The following NPEPPS variants were observed in gnomAD, a reference collection of about 807,000 sequenced individuals.
NPEPPS encodes puromycin-sensitive aminopeptidase.
A neutral mutation model predicts 115.5 loss-of-function variants in NPEPPS; 14 were observed. The observed-to-expected ratio is 0.12, with a 90% confidence interval of 0.08 to 0.19. The LOEUF (loss-of-function observed/expected upper bound fraction) is 0.19. Ranked by LOEUF, NPEPPS falls within the 10% of genes least tolerant of loss-of-function variation. The probability of loss-of-function intolerance (pLI) is 1.00; values close to 1 mark genes in which losing one functional copy is unlikely to be tolerated. For missense variants in NPEPPS, 523 were observed against 1,110.8 expected (o/e 0.47, Z 7.52); for synonymous variants, 285 against 390.6 (o/e 0.73, Z 3.19).
At chr17:47,603,012 A>G (rs1913314120) in intron 15 of NPEPPS, among the ~76,000 whole-genome samples, 1 of 152,188 alleles carries the variant, frequency 6.6e-6, no homozygotes, top group Admixed American at 6.5e-5. Flanking sequence ...GGTTTTAAAA[A>G]TATTTACATA....
In NPEPPS at chr17:47,587,308, A is replaced by G. The variant is rs1443092991; in HGVS notation, c.1059A>G (p.Glu353=). 1.2e-6 allele frequency: 2 copies of G among 1,605,752 alleles called. No individual in the cohort carries two copies. The highest frequency in any genetic ancestry group is 1.7e-6 in the Non-Finnish European group (2 of 1,177,482). The stretch of plus-strand genomic sequence containing the variant: ...GGGTTGCTCTGGTTGTGGGACATGA[A>G]CTCGCCCATCAATGGTTTGGAAATC... ...RQWVALVVGH[E]LAHQWFGNLV... The change falls in exon 9 of 23, where the codon GAA becomes GAG. Residue 353 remains glutamate (E), a synonymous_variant. Transcript: ENST00000322157.
chr17:47,549,957 T>C lies in NPEPPS; in HGVS notation c.340+3964T>C, dbSNP rs1266721882. 5.3e-5 allele frequency among the ~76,000 whole-genome samples: 8 copies of C among 149,752 alleles called. No homozygotes were observed. The Admixed American group carries it at 5.4e-4, about 10-fold the overall frequency. Reference sequence around the variant, plus strand: ...ATTTTTTTTTTTTTTCTTTTTGAGATGGAGTCTCGCTCTGTCACCCAGGCT... The same window carrying C: ...ATTTTTTTTTTTTTTCTTTTTGAGACGGAGTCTCGCTCTGTCACCCAGGCT... On this transcript the variant is annotated intron_variant, in intron 2 of 22. Coordinates refer to ENST00000322157, the MANE Select transcript of NPEPPS (RefSeq NM_006310.4).
chr17:47,603,929 A>T lies in NPEPPS; in HGVS notation c.1755A>T (p.Thr585=). The T allele has an allele frequency of 6.2e-7, 1 of 1,611,200 alleles. No homozygotes were observed. The highest frequency in any genetic ancestry group is 8.5e-7 in the Non-Finnish European group (1 of 1,178,438). Residue 585 remains threonine (T), a synonymous_variant, in exon 16 of 23, where the codon ACA becomes ACT. Transcript: ENST00000322157. ...TATCTTTGCAGTTAAACTTAGGAAC[A>T]GTTGGGTTTTATCGGACCCAGTACA... is the stretch of plus-strand genomic sequence containing the variant. ...PDQWVKLNLG[T]VGFYRTQYSS...
chr17:47,594,780 C>T (rs1369926935), intron 12 of NPEPPS, among the ~76,000 whole-genome samples: 1 of 151,148 alleles, frequency 6.6e-6, no homozygotes, highest in Non-Finnish European at 1.5e-5. Flanking sequence ...CTACAGGCGC[C>T]CGCCACCACG....
chr17:47,619,306 C>A, intron 21 of NPEPPS, 142 bp downstream of exon 21: 3 of 805,172 alleles, frequency 3.7e-6, no homozygotes, highest in Non-Finnish European at 6.1e-6. Flanking sequence ...GTAATACCAG[C>A]ACTTTGGGAC....
intron 1 of NPEPPS, among the ~76,000 whole-genome samples, chr17:47,535,102 G>T (rs1908108388): frequency 6.7e-6 from 1 of 149,218 alleles, no homozygotes; most frequent in Non-Finnish European, 1.5e-5. Flanking sequence ...AATTAGCTGG[G>T]CGTGGTGGCG....
intron 1 of NPEPPS, among the ~76,000 whole-genome samples, chr17:47,525,677 T>C (rs528991184): frequency 1.3e-5 from 2 of 152,192 alleles, no homozygotes; most frequent in East Asian, 1.9e-4. Flanking sequence ...TGTGATTTTA[T>C]AAAAGAAAGT....
intron 1 of NPEPPS, among the ~76,000 whole-genome samples, chr17:47,542,597 G>T (rs1908846517): frequency 6.7e-6 from 1 of 150,032 alleles, no homozygotes; most frequent in South Asian, 2.1e-4. Context: ...CACTAAACCT[G>T]CCAGTCACCA....
chr17:47,535,269 A>G (rs1297938678), intron 1 of NPEPPS, among the ~76,000 whole-genome samples: 1 of 83,720 alleles, frequency 1.2e-5, no homozygotes, highest in Non-Finnish European at 2.5e-5. Context: ...AAAAAAAAAA[A>G]GGCTGGGCGC....
intron 2 of NPEPPS, chr17:47,548,396 A>G (rs1909388704): frequency 6.6e-6 from 1 of 152,034 alleles, no homozygotes; most frequent in African/African-American, 2.4e-5. Flanking sequence ...AGCCAGGTAT[A>G]TCAAAGCAAC....
upstream of NPEPPS, among the ~76,000 whole-genome samples, chr17:47,528,384 G>T (rs1597799581): frequency 6.6e-6 from 1 of 151,932 alleles, no homozygotes; most frequent in African/African-American, 2.4e-5. Context: ...ATAAGAAAAG[G>T]CCCCATCTCA....
intron 2 of NPEPPS, among the ~76,000 whole-genome samples, chr17:47,560,523 C>T (rs1910360029): frequency 6.6e-6 from 1 of 152,188 alleles, no homozygotes; most frequent in Non-Finnish European, 1.5e-5. Context: ...TGAACTGTAA[C>T]TATGCATATA....
chr17:47,539,453 A>G (rs1164616705), intron 1 of NPEPPS, among the ~76,000 whole-genome samples: 3 of 152,174 alleles, frequency 2.0e-5, no homozygotes, highest in African/African-American at 7.2e-5. Flanking sequence ...TAGAAATACA[A>G]GAAAGTCACA....
chr17:47,565,686 G>C (rs1460948096), intron 2 of NPEPPS, among the ~76,000 whole-genome samples: 1 of 151,860 alleles, frequency 6.6e-6, no homozygotes, highest in Non-Finnish European at 1.5e-5. Flanking sequence ...CGGGTGTGGT[G>C]GTGGGCGCCT....
chr17:47,524,589 G>A (rs1480100333), intron 1 of NPEPPS, among the ~76,000 whole-genome samples: 1 of 151,876 alleles, frequency 6.6e-6, no homozygotes, highest in Middle Eastern at 3.4e-3. Flanking sequence ...CTGCCTCCCG[G>A]GTTCACACCA....
chr17:47,527,948 CAA>C (rs1045563784), upstream of NPEPPS, among the ~76,000 whole-genome samples: 3 of 121,556 alleles, frequency 2.5e-5, no homozygotes, highest in Admixed American at 8.3e-5. Context: ...AACTCCATCT[CAA>C]AAAAAAAAAA....
intron 1 of NPEPPS, among the ~76,000 whole-genome samples, chr17:47,545,195 C>G (rs564389192): frequency 6.6e-6 from 1 of 152,168 alleles, no homozygotes; most frequent in Non-Finnish European, 1.5e-5. Flanking sequence ...TTTTGTCTCA[C>G]TGTGTTGCCC....
rs1431444050 is a variant in NPEPPS, at chr17:47,568,367, C to T, written c.341-1050C>T. On this transcript the variant is annotated intron_variant, in intron 2 of 22. Coordinates refer to ENST00000322157, the MANE Select transcript of NPEPPS (RefSeq NM_006310.4). Reference sequence around the variant, plus strand: ...TGTATTTTTAGTAAAAATGGGGTTTCGCCATGTTGGCCAGGCTGTTCTCGA... The same window carrying T: ...TGTATTTTTAGTAAAAATGGGGTTTTGCCATGTTGGCCAGGCTGTTCTCGA... Among the ~76,000 whole-genome samples the T allele has an allele frequency of 1.4e-4, 22 of 152,204 alleles. 1 individual carries two copies. The South Asian group carries it at 2.3e-3, about 16-fold the overall frequency.
upstream of NPEPPS, among the ~76,000 whole-genome samples, chr17:47,528,635 A>T (rs962244793): frequency 4.1e-4 from 61 of 147,444 alleles, no homozygotes; most frequent in Non-Finnish European, 8.3e-4. Context: ...TATCTCATTA[A>T]TTTTTTTTTT....
Sources: allele counts gnomAD v4.1 joint callset (sites outside exome capture counted in the v4.1 genomes callset), GRCh38; gene constraint gnomAD v4.1.1; transcripts MANE v1.5; gene names NCBI Gene and HGNC (gene_info 2026-07-23, HGNC 2026-07-21).